Variants in PRH1 observed in about 807,000 individuals in gnomAD.
The protein encoded by PRH1 is salivary acidic proline-rich phosphoprotein 1/2.
A neutral mutation model predicts 7.9 loss-of-function variants in PRH1; 7 were observed. The ratio of observed to expected loss-of-function variants is 0.89; its 90% confidence interval spans 0.50 to 1.67. The LOEUF (loss-of-function observed/expected upper bound fraction) is 1.67. Among genes scored for constraint, PRH1 ranks in the 40% most tolerant of loss-of-function variants. The probability of loss-of-function intolerance (pLI) is 0.00; values close to 1 mark genes in which losing one functional copy is unlikely to be tolerated. For synonymous variants in PRH1, 45 were observed against 80.8 expected (o/e 0.56, Z 2.38); for missense variants, 109 against 223.6 (o/e 0.49, Z 3.27).
chr12:11,047,649 T>C (rs1942955866), upstream of PRH1, among the ~76,000 whole-genome samples: 1 of 152,152 alleles, frequency 6.6e-6, no homozygotes, highest in Non-Finnish European at 1.5e-5. Flanking sequence ...GATTTTTTTC[T>C]AATCTATTCA....
At chr12:11,026,087 G>C (rs1402751833) in intron 1 of PRH1, among the ~76,000 whole-genome samples, 1 of 152,198 alleles carries the variant, frequency 6.6e-6, no homozygotes, top group African/African-American at 2.4e-5. Flanking sequence ...CCAAGCTGGA[G>C]TACAGTGGCA....
intron 1 of PRH1, among the ~76,000 whole-genome samples, chr12:11,106,183 G>T (rs180979080): frequency 0.01 from 482 of 47,168 alleles, 161 homozygotes; most frequent in Non-Finnish European, 3.7e-3. Context: ...CTCGTGATCC[G>T]CCCGCCTCGG....
intron 1 of PRH1, chr12:11,133,794 C>T: frequency 6.3e-7 from 1 of 1,597,138 alleles, no homozygotes; most frequent in Middle Eastern, 1.7e-4. Flanking sequence ...CATACAGTCT[C>T]ATCCATGTTT....
intron 1 of PRH1, among the ~76,000 whole-genome samples, chr12:11,064,435 T>G (rs1196592566): frequency 3.9e-5 from 6 of 152,082 alleles, no homozygotes; most frequent in African/African-American, 1.4e-4. Flanking sequence ...TTGGCCAGCT[T>G]CTTTTTTGAA....
intron 1 of PRH1, among the ~76,000 whole-genome samples, chr12:11,149,811 T>A (rs1947004513): frequency 7.5e-6 from 1 of 134,190 alleles, no homozygotes; most frequent in Non-Finnish European, 1.7e-5. Flanking sequence ...AAGACAAAAT[T>A]GACAAATGGG....
chr12:11,102,454 A>G (rs1185241355), intron 1 of PRH1, among the ~76,000 whole-genome samples: 2 of 145,924 alleles, frequency 1.4e-5, no homozygotes, highest in Non-Finnish European at 3.1e-5. Flanking sequence ...AGGATTCCCT[A>G]TTTAATAAAT....
chr12:11,106,445 T>C (rs866937063), intron 1 of PRH1, among the ~76,000 whole-genome samples: 4 of 152,226 alleles, frequency 2.6e-5, no homozygotes, highest in African/African-American at 7.2e-5. Flanking sequence ...TTATCTCTCA[T>C]GCTGAGACCT....
intron 1 of PRH1, among the ~76,000 whole-genome samples, chr12:11,155,220 T>G (rs138079858): frequency 2.0e-5 from 3 of 152,338 alleles, no homozygotes; most frequent in Non-Finnish European, 2.9e-5. Flanking sequence ...ATTTGCAATT[T>G]TCATTCTGCC....
At chr12:10,938,236 A>AT (rs760868761) in intron 2 of PRH1, 23 of 1,493,936 alleles carry the variant, frequency 1.5e-5, no homozygotes, top group East Asian at 4.6e-5. Flanking sequence ...CTTAGGAGCT[A>AT]TTTTTTTTCT....
At chr12:11,046,910 GCAT>G in intron 1 of PRH1, 1 of 411,262 alleles carries the variant, frequency 2.4e-6, no homozygotes, top group Non-Finnish European at 5.4e-6. Flanking sequence ...GAGAATATTG[GCAT>G]CATCCGGAGA....
chr12:10,926,939 T>G (rs1447799175), intron 2 of PRH1, among the ~76,000 whole-genome samples: 2 of 152,212 alleles, frequency 1.3e-5, no homozygotes, highest in Non-Finnish European at 2.9e-5. Context: ...CCACCCACTC[T>G]AGGTGCCCAA....
intron 1 of PRH1, among the ~76,000 whole-genome samples, chr12:11,020,221 C>A (rs919056473): frequency 6.6e-6 from 1 of 152,252 alleles, no homozygotes; most frequent in African/African-American, 2.4e-5. Context: ...TATCCAATCA[C>A]TTATGTGTTC....
At chr12:11,069,868 T>C (rs1417982441) in intron 1 of PRH1, among the ~76,000 whole-genome samples, 3 of 152,208 alleles carry the variant, frequency 2.0e-5, no homozygotes, top group African/African-American at 7.2e-5. Context: ...TTAAGTCCCC[T>C]TGATAACAGA....
intron 2 of PRH1, among the ~76,000 whole-genome samples, chr12:10,893,188 C>A (rs1949599974): frequency 6.6e-6 from 1 of 152,154 alleles, no homozygotes. Context: ...TGAGCAGCAT[C>A]CTTGTCCTCG....
chr12:10,945,377 C>T (rs1183625002), intron 2 of PRH1, among the ~76,000 whole-genome samples: 1 of 151,956 alleles, frequency 6.6e-6, no homozygotes, highest in East Asian at 1.9e-4. Flanking sequence ...AGACAGAGTA[C>T]AAAAGAGAGA....
At chr12:11,084,495 A>C (rs968570634) in intron 1 of PRH1, among the ~76,000 whole-genome samples, 4 of 148,324 alleles carry the variant, frequency 2.7e-5, no homozygotes, top group Non-Finnish European at 6.0e-5. Flanking sequence ...GTGATCCATC[A>C]TCTTAATCAG....
chr12:10,906,674 C>G (rs1949808492), intron 2 of PRH1, among the ~76,000 whole-genome samples: 1 of 152,142 alleles, frequency 6.6e-6, no homozygotes, highest in African/African-American at 2.4e-5. Context: ...GGGGTTTCCC[C>G]TTTCGCTTGG....
At chr12:11,061,649 A>T (rs1565608974) in intron 1 of PRH1, 4 of 1,614,136 alleles carry the variant, frequency 2.5e-6, no homozygotes, top group Admixed American at 1.7e-5. Context: ...GGATCTTGAG[A>T]TCCTTTGCCA....
chr12:11,049,328 C>T, upstream of PRH1: 2 of 364,600 alleles, frequency 5.5e-6, no homozygotes, highest in South Asian at 1.2e-4. Context: ...AATATCCAGA[C>T]CTTAATGTCG....
Sources: allele counts gnomAD v4.1 joint callset (sites outside exome capture counted in the v4.1 genomes callset), GRCh38; gene constraint gnomAD v4.1.1; transcripts MANE v1.5; gene names NCBI Gene and HGNC (gene_info 2026-07-23, HGNC 2026-07-21).